Variants in PTPRD observed in about 807,000 individuals in gnomAD.
The protein encoded by PTPRD is protein tyrosine phosphatase receptor type D, also known as receptor-type tyrosine-protein phosphatase delta.
A neutral mutation model predicts 214.5 loss-of-function variants in PTPRD; 34 were observed. The observed-to-expected ratio is 0.16, with a 90% CI of 0.12 to 0.21. The LOEUF is 0.21. PTPRD is among the 10% of genes least tolerant of loss of function. The pLI is 1.00. For synonymous variants in PTPRD, 1,128 were observed against 845.7 expected (o/e 1.33, Z -5.79); for missense variants, 2,545 against 2,398.7 (o/e 1.06, Z -1.27).
chr9:10,031,647 T>TATATATATCTATATACACACACACAC, intron 4 of PTPRD, among the ~76,000 whole-genome samples: 1 of 89,692 alleles, frequency 1.1e-5, no homozygotes, highest in Non-Finnish European at 1.9e-5. Flanking sequence ...TATATATATA[T>TATATATATCTATATACACACACACAC]ACACACACAC....
chr9:8,736,390 G>C (rs1194201436), intron 11 of PTPRD, among the ~76,000 whole-genome samples: 1 of 152,050 alleles, frequency 6.6e-6, no homozygotes, highest in Non-Finnish European at 1.5e-5. Context: ...ATGACTATCA[G>C]TATTCATTTG....
At chr9:8,727,939 T>C (rs569018143) in intron 12 of PTPRD, among the ~76,000 whole-genome samples, 2 of 152,308 alleles carry the variant, frequency 1.3e-5, no homozygotes, top group African/African-American at 2.4e-5. Context: ...GTACCAACAC[T>C]CTAATCTAAC....
intron 7 of PTPRD, among the ~76,000 whole-genome samples, chr9:9,670,025 A>G (rs1293937169): frequency 6.6e-6 from 1 of 152,180 alleles, no homozygotes; most frequent in Non-Finnish European, 1.5e-5. Context: ...AGAAAGAGGG[A>G]GAGATCTTAA....
intron 6 of PTPRD, among the ~76,000 whole-genome samples, chr9:9,754,568 C>T (rs1031994063): frequency 6.6e-6 from 1 of 151,940 alleles, no homozygotes; most frequent in African/African-American, 2.4e-5. Flanking sequence ...TATTAACAAA[C>T]AAACTATATA....
At chr9:8,609,244 T>C (rs777187973) in intron 14 of PTPRD, among the ~76,000 whole-genome samples, 15 of 152,210 alleles carry the variant, frequency 9.9e-5, no homozygotes, top group Non-Finnish European at 1.8e-4. Context: ...CTTGGCTGCA[T>C]CCCAGGACTT....
intron 3 of PTPRD, among the ~76,000 whole-genome samples, chr9:10,208,204 C>T (rs1365814654): frequency 6.6e-6 from 1 of 152,080 alleles, no homozygotes; most frequent in African/African-American, 2.4e-5. Context: ...TATTCTGCAT[C>T]TGGTAGTGAG....
intron 11 of PTPRD, among the ~76,000 whole-genome samples, chr9:8,938,549 T>A (rs185348632): frequency 3.9e-4 from 59 of 152,262 alleles, no homozygotes; most frequent in East Asian, 2.7e-3. Context: ...ATATTTAGTA[T>A]AGCACATAGA....
At chr9:9,092,276 A>G (rs2099777333) in intron 10 of PTPRD, among the ~76,000 whole-genome samples, 1 of 152,180 alleles carries the variant, frequency 6.6e-6, no homozygotes, top group Non-Finnish European at 1.5e-5. Context: ...GATATTGAAT[A>G]GGTGATTCTT....
chr9:8,507,546 T>C, intron 21 of PTPRD, 112 bp from the exon 22 acceptor site: 1 of 1,326,316 alleles, frequency 7.5e-7, no homozygotes, highest in Non-Finnish European at 1.0e-6. Context: ...ATGTACCAGC[T>C]TAGTGGAAAA....
rs183508606 is a variant in PTPRD, at chr9:9,988,177, C to G, written c.-472+45541G>C. 1.9e-4 allele frequency among the ~76,000 whole-genome samples: 29 copies of G among 152,110 alleles called. No individual in the cohort carries two copies. The East Asian group carries it at 5.4e-3, about 28-fold the overall frequency. On this transcript the variant is annotated intron_variant, in intron 4 of 45. Transcript: ENST00000381196. ...CAAACATAATGATTAAATTCTGCTA[C>G]AAAACACATAATTATTTATTGAACA... is the stretch of plus-strand genomic sequence containing the variant.
intron 14 of PTPRD, among the ~76,000 whole-genome samples, chr9:8,585,413 C>CT (rs2093568705): frequency 6.6e-6 from 1 of 152,154 alleles, no homozygotes; most frequent in Non-Finnish European, 1.5e-5. Flanking sequence ...ATAGTCACTA[C>CT]TTTGTTTTTA....
chr9:9,758,069 T>G (rs1482689292), intron 6 of PTPRD, among the ~76,000 whole-genome samples: 1 of 151,400 alleles, frequency 6.6e-6, no homozygotes, highest in Non-Finnish European at 1.5e-5. Flanking sequence ...ATAATACTGA[T>G]TGGGTGTATT....
chr9:9,875,371 C>CA (rs202186488), intron 5 of PTPRD, among the ~76,000 whole-genome samples: 33 of 151,202 alleles, frequency 2.2e-4, no homozygotes, highest in East Asian at 7.7e-4. Flanking sequence ...GACTCTGGCT[C>CA]AAAAACAAAA....
chr9:8,416,427 T>C (rs1010608967), intron 35 of PTPRD, among the ~76,000 whole-genome samples: 1 of 152,216 alleles, frequency 6.6e-6, no homozygotes, highest in African/African-American at 2.4e-5. Context: ...TCTTTAATTT[T>C]TCCATTTATG....
chr9:10,180,620 A>G (rs1056201511), intron 3 of PTPRD, among the ~76,000 whole-genome samples: 13 of 151,348 alleles, frequency 8.6e-5, no homozygotes, highest in Non-Finnish European at 1.3e-4. Flanking sequence ...AAAAAAAAAA[A>G]AACTCATGGG....
intron 12 of PTPRD, among the ~76,000 whole-genome samples, chr9:8,672,259 C>G (rs1453785724): frequency 6.6e-6 from 1 of 152,112 alleles, no homozygotes; most frequent in Non-Finnish European, 1.5e-5. Flanking sequence ...TACAGAAGCT[C>G]TCTAATTAAA....
rs1310184284 is a variant in PTPRD at position 10,420,475 on chromosome 9, A to AG, written c.-599-79459dup. Among the ~76,000 whole-genome samples the AG allele has an allele frequency of 2.7e-5, 4 of 150,648 alleles. No homozygotes were observed. The Admixed American group carries it at 2.7e-4, about 10-fold the overall frequency. ...GGTGGCCAAGGTTGAGAGTGCTTGA[A>AG]GGGGGAAATAATCTCTTGCTGAGCA... On this transcript the variant is annotated intron_variant, in intron 2 of 45. Transcript: ENST00000381196.
chr9:9,913,255 C>T (rs980514409), intron 5 of PTPRD, among the ~76,000 whole-genome samples: 1 of 152,068 alleles, frequency 6.6e-6, no homozygotes, highest in African/African-American at 2.4e-5. Flanking sequence ...TATAAATTTC[C>T]TTAATCTTTG....
intron 3 of PTPRD, among the ~76,000 whole-genome samples, chr9:10,085,880 G>C (rs73641849): frequency 1.5e-3 from 231 of 151,980 alleles, no homozygotes; most frequent in African/African-American, 5.1e-3. Context: ...TCAGGGCAGT[G>C]TGATGAACTG....
Sources: gnomAD v4.1 joint callset for allele counts (sites outside exome capture counted in the v4.1 genomes callset) on GRCh38, gnomAD v4.1.1 for gene constraint, MANE v1.5 for transcripts, NCBI Gene and HGNC (gene_info 2026-07-23, HGNC 2026-07-21) for gene names.